TPD52L1: variants seen among roughly 807,000 people sequenced by gnomAD.
The protein encoded by TPD52L1 is tumor protein D53.
Under a neutral mutation model 28.7 loss-of-function variants are expected in TPD52L1, and 18 were observed. The ratio of observed to expected loss-of-function variants is 0.63; its 90% CI spans 0.43 to 0.93. The LOEUF (loss-of-function observed/expected upper bound fraction) is 0.93. Among genes scored for constraint, TPD52L1 ranks in the 40% least tolerant of loss-of-function variants. TPD52L1 has a pLI of 0.00. For synonymous variants in TPD52L1, 75 were observed against 88.8 expected, an observed-to-expected ratio of 0.84 and a Z score of 0.88; for missense variants, 203 against 254.8, an observed-to-expected ratio of 0.80 and a Z score of 1.39.
At chr6:125,160,868 T>TGAGA (rs1790477915) in intron 1 of TPD52L1, among the ~76,000 whole-genome samples, 1 of 151,468 alleles carries the variant, frequency 6.6e-6, no homozygotes, top group Non-Finnish European at 1.5e-5. Flanking sequence ...TTTTTTTTTT[T>TGAGA]TGAGATGGAG....
At chr6:125,232,393 G>A (rs1170367159) in intron 3 of TPD52L1, among the ~76,000 whole-genome samples, 1 of 152,130 alleles carries the variant, frequency 6.6e-6, no homozygotes, top group Non-Finnish European at 1.5e-5. Flanking sequence ...GATAAAATCT[G>A]TATCCCTCTG....
At chr6:125,195,893 G>A (rs1425307614) in intron 1 of TPD52L1, among the ~76,000 whole-genome samples, 1 of 152,166 alleles carries the variant, frequency 6.6e-6, no homozygotes, top group Non-Finnish European at 1.5e-5. Flanking sequence ...GCCAGTTGTT[G>A]CCCACTTGCT....
At chr6:125,256,715 A>T (rs1256366877) in intron 5 of TPD52L1, among the ~76,000 whole-genome samples, 1 of 152,240 alleles carries the variant, frequency 6.6e-6, no homozygotes, top group Non-Finnish European at 1.5e-5. Flanking sequence ...TTACTAAAAA[A>T]CCTGAGTCAG....
intron 1 of TPD52L1, among the ~76,000 whole-genome samples, chr6:125,204,515 T>C (rs903641488): frequency 1.3e-5 from 2 of 152,258 alleles, no homozygotes; most frequent in Admixed American, 1.3e-4. Flanking sequence ...AGTCTCACTC[T>C]GTCGCCCAGG....
At chr6:125,242,058 TC>T (rs1796645231) in intron 3 of TPD52L1, among the ~76,000 whole-genome samples, 1 of 152,054 alleles carries the variant, frequency 6.6e-6, no homozygotes, top group South Asian at 2.1e-4. Context: ...TTTTTTAATT[TC>T]CATCTTGATT....
At chr6:125,184,904 T>C (rs944573344) in intron 1 of TPD52L1, among the ~76,000 whole-genome samples, 1 of 152,062 alleles carries the variant, frequency 6.6e-6, no homozygotes, top group Non-Finnish European at 1.5e-5. Flanking sequence ...AAGGACTAAA[T>C]ACCCCATGTA....
intron 3 of TPD52L1, among the ~76,000 whole-genome samples, chr6:125,235,281 G>A (rs78950409): frequency 8.6e-5 from 13 of 151,980 alleles, no homozygotes; most frequent in Admixed American, 3.3e-4. Context: ...TGTGCAATAC[G>A]TAACTCCTGA....
chr6:125,197,255 CA>C (rs1793507715), intron 1 of TPD52L1, among the ~76,000 whole-genome samples: 1 of 152,156 alleles, frequency 6.6e-6, no homozygotes, highest in Non-Finnish European at 1.5e-5. Context: ...TATGTGTTAT[CA>C]TGTTGACCTT....
intron 1 of TPD52L1, among the ~76,000 whole-genome samples, chr6:125,192,951 A>G (rs932923747): frequency 3.3e-5 from 5 of 152,196 alleles, no homozygotes; most frequent in Non-Finnish European, 7.3e-5. Flanking sequence ...GTTGATAATA[A>G]TCATTGCTAA....
intron 1 of TPD52L1, among the ~76,000 whole-genome samples, chr6:125,219,624 A>G (rs910073597): frequency 1.3e-5 from 2 of 152,118 alleles, no homozygotes; most frequent in African/African-American, 2.4e-5. Flanking sequence ...TGCCTTTCAG[A>G]TCCCTGTGTA....
chr6:125,188,825 A>G (rs1030364588), intron 1 of TPD52L1, among the ~76,000 whole-genome samples: 5 of 152,198 alleles, frequency 3.3e-5, no homozygotes, highest in African/African-American at 1.2e-4. Context: ...GACTGGAGAG[A>G]CAGTTGCTCA....
intron 1 of TPD52L1, among the ~76,000 whole-genome samples, chr6:125,204,118 A>G (rs932089907): frequency 7.9e-5 from 12 of 152,182 alleles, no homozygotes; most frequent in African/African-American, 2.9e-4. Context: ...GTTACCTGCA[A>G]TGTAATGAAG....
chr6:125,154,268 C>A, intron 1 of TPD52L1: 3 of 1,214,686 alleles, frequency 2.5e-6, no homozygotes, highest in Non-Finnish European at 3.1e-6. Flanking sequence ...CCTTCCCAAC[C>A]TCGCGGCTGC....
Position 125,177,575 on chromosome 6 carries a change from A to G in TPD52L1, c.19+23605A>G, listed in dbSNP as rs539103631. 7.9e-5 allele frequency among the ~76,000 whole-genome samples: 12 copies of G among 152,282 alleles called. No individual in the cohort carries two copies. The East Asian group carries it at 2.3e-3, about 29-fold the overall frequency. On this transcript the variant is annotated intron_variant, in intron 1 of 6. Transcript: ENST00000534000. ...GAAAAAGAACTGAGGTTTTCTTACT[A>G]CAGCCCTGTGATCCTTTCTCTGTAT...
intron 3 of TPD52L1, among the ~76,000 whole-genome samples, chr6:125,246,233 G>A (rs1796914453): frequency 6.6e-6 from 1 of 152,156 alleles, no homozygotes; most frequent in African/African-American, 2.4e-5. Flanking sequence ...TTCCCTAGTG[G>A]AATTCAGAGG....
At chr6:125,194,505 G>A (rs891567111) in intron 1 of TPD52L1, among the ~76,000 whole-genome samples, 1 of 152,146 alleles carries the variant, frequency 6.6e-6, no homozygotes, top group Non-Finnish European at 1.5e-5. Flanking sequence ...TGGACCAAAT[G>A]TCCTTTTTGG....
chr6:125,170,515 G>A (rs373108803), intron 1 of TPD52L1, among the ~76,000 whole-genome samples: 1 of 151,972 alleles, frequency 6.6e-6, no homozygotes, highest in South Asian at 2.1e-4. Context: ...CCTAATCTCA[G>A]TGTTACTCTC....
chr6:125,170,796 G>C (rs988776304), intron 1 of TPD52L1, among the ~76,000 whole-genome samples: 1 of 152,146 alleles, frequency 6.6e-6, no homozygotes, highest in Non-Finnish European at 1.5e-5. Context: ...GTTTTAGAGA[G>C]CCCCACTTTA....
At chr6:125,186,547 C>T (rs992777667) in intron 1 of TPD52L1, among the ~76,000 whole-genome samples, 1 of 152,124 alleles carries the variant, frequency 6.6e-6, no homozygotes, top group South Asian at 2.1e-4. Flanking sequence ...AAAGTCCCAA[C>T]AAAGATATTT....
Sources: gnomAD v4.1 joint callset for allele counts (sites outside exome capture counted in the v4.1 genomes callset) on GRCh38, gnomAD v4.1.1 for gene constraint, MANE v1.5 for transcripts, NCBI Gene and HGNC (gene_info 2026-07-23, HGNC 2026-07-21) for gene names.